Variants in PWWP2B observed in about 807,000 individuals in gnomAD.
PWWP2B encodes PWWP domain containing 2B.
A neutral mutation model predicts 15.5 loss-of-function variants in PWWP2B; 9 were observed. That is an observed-to-expected ratio of 0.58 (90% confidence interval 0.35 to 1.02). The LOEUF (loss-of-function observed/expected upper bound fraction) is 1.02, where lower values mean the gene tolerates loss of function less well. Ranked by LOEUF, PWWP2B falls within the 50% of genes least tolerant of loss-of-function variation. PWWP2B has a pLI of 0.02. For synonymous variants in PWWP2B, 474 were observed against 403.6 expected (o/e 1.17, Z -2.09); for missense variants, 864 against 865.3 (o/e 1.00, Z 0.02).
chr10:132,407,974 C>T (rs1455363890), intron 2 of PWWP2B, among the ~76,000 whole-genome samples: 1 of 152,240 alleles, frequency 6.6e-6, no homozygotes, highest in Non-Finnish European at 1.5e-5. Flanking sequence ...AGGCCTGAGG[C>T]CTTGGCTGGC....
intron 2 of PWWP2B, among the ~76,000 whole-genome samples, chr10:132,415,210 TCTCA>T (rs1564878454): frequency 6.6e-6 from 1 of 150,784 alleles, no homozygotes; most frequent in South Asian, 2.1e-4. Flanking sequence ...CCACATCCAC[TCTCA>T]CACACACACC....
intron 2 of PWWP2B, among the ~76,000 whole-genome samples, chr10:132,412,909 G>A (rs747995732): frequency 7.2e-5 from 11 of 152,268 alleles, no homozygotes; most frequent in Non-Finnish European, 1.5e-4. Flanking sequence ...ATCCACACAA[G>A]TGCTATTCTT....
rs541725469 is a variant in PWWP2B at position 132,415,224 on chromosome 10, C to A, written c.*17-1837C>A. Among the ~76,000 whole-genome samples, 133 of 150,802 alleles carry A rather than the reference C, an allele frequency of 8.8e-4. 1 individual carries two copies. In the South Asian group the frequency reaches 0.014, roughly 16 times the overall value. On this transcript the variant is annotated intron_variant, in intron 2 of 2. Transcript: ENST00000305233. ...TCCACATCCACTCTCACACACACAC[C>A]CACTCACACTCACACACATCCACTC...
At chr10:132,412,064 A>C (rs1037791509) in intron 2 of PWWP2B, among the ~76,000 whole-genome samples, 5 of 152,214 alleles carry the variant, frequency 3.3e-5, no homozygotes, top group Non-Finnish European at 7.3e-5. Flanking sequence ...GCAGCCGGGC[A>C]GCCGGTCCTT....
At position 132,406,072 on chromosome 10, in the gene PWWP2B, A is replaced by T. The variant is rs2069695136; in HGVS notation, c.1572A>T (p.Arg524=). The change falls in exon 2 of 3, where the codon CGA becomes CGT. Residue 524 remains arginine, a synonymous_variant. Transcript: ENST00000305233. ...AGGAGGACGGAGAGCCGTCTTGGCG[A>T]GAAGCGAAGGTCTCGTGGTTTGGTT... ...GQKEDGEPSW[R]EAKVSWFGSP... The T allele has an allele frequency of 3.7e-6, 6 of 1,613,640 alleles. No homozygotes were observed. In the East Asian group the frequency reaches 1.3e-4, roughly 36 times the overall value.
intron 2 of PWWP2B, among the ~76,000 whole-genome samples, chr10:132,406,599 G>A (rs1288444300): frequency 2.6e-5 from 4 of 152,256 alleles, no homozygotes; most frequent in South Asian, 2.1e-4. Flanking sequence ...GCTCTCAGTC[G>A]TTGTTTGGAG....
In PWWP2B at chr10:132,417,053, C is replaced by T. The variant is rs1201135858; in HGVS notation, c.*17-8C>T. On this transcript the variant is annotated splice_polypyrimidine_tract_variant and splice_region_variant and intron_variant, in intron 2 of 2. Coordinates refer to ENST00000305233, the MANE Select transcript of PWWP2B (RefSeq NM_138499.4). ...TTAAATCTCTGCCCCTTTTTGCTTT[C>T]CCCCAAGGTCACCGACGATGAGGGC... 5 of 1,613,172 alleles carry T rather than the reference C, an allele frequency of 3.1e-6. No individual in the cohort carries two copies. In the South Asian group the frequency reaches 4.4e-5, roughly 14 times the overall value.
chr10:132,403,220 A>G (rs947851480), intron 1 of PWWP2B, among the ~76,000 whole-genome samples: 7 of 150,828 alleles, frequency 4.6e-5, no homozygotes, highest in Non-Finnish European at 1.0e-4. Context: ...CACCCACCAC[A>G]GAGCAGAACC....
intron 2 of PWWP2B, among the ~76,000 whole-genome samples, chr10:132,409,628 A>ACCAC (rs57349418): frequency 0.016 from 2,286 of 143,508 alleles, 43 homozygotes; most frequent in African/African-American, 0.056. Flanking sequence ...TCTCTCCCTC[A>ACCAC]CCACCCACCC....
chr10:132,409,402 A>C (rs2069747411), intron 2 of PWWP2B, among the ~76,000 whole-genome samples: 2 of 152,182 alleles, frequency 1.3e-5, no homozygotes, highest in South Asian at 4.1e-4. Context: ...GGCACCGGAC[A>C]TGCAGGGTCA....
intron 1 of PWWP2B, 91 bp downstream of exon 1, chr10:132,397,442 G>T: frequency 9.0e-7 from 1 of 1,113,508 alleles, no homozygotes; most frequent in Non-Finnish European, 1.1e-6. Context: ...CTCCGGGTTG[G>T]GGGTGGCGTG....
chr10:132,416,646 C>T (rs983238480), intron 2 of PWWP2B, among the ~76,000 whole-genome samples: 1 of 152,050 alleles, frequency 6.6e-6, no homozygotes, highest in Non-Finnish European at 1.5e-5. Flanking sequence ...GGGCTCCTCC[C>T]CAGGCTCGGG....
Position 132,404,874 on chromosome 10 carries a change from C to A in PWWP2B, c.374C>A (p.Pro125His). 6.3e-7 allele frequency: 1 copy of A among 1,593,416 alleles called. No homozygotes were observed. The highest frequency in any genetic ancestry group is 1.7e-5 in the Admixed American group (1 of 59,772). Reference protein sequence around the residue: ...PPYPPYFEGAPFPHPLWLRDT... With the variant: ...PPYPPYFEGAHFPHPLWLRDT... Reference sequence around the variant, plus strand: ...TACCCTCCCTACTTCGAAGGCGCCCCCTTCCCTCACCCGCTGTGGCTCCGG... The same window carrying A: ...TACCCTCCCTACTTCGAAGGCGCCCACTTCCCTCACCCGCTGTGGCTCCGG... The change falls in exon 2 of 3, where the codon CCC (proline) becomes CAC (histidine). Residue 125 changes from proline to histidine, a missense_variant. Pro to His is a moderately conservative substitution (Grantham distance 77). Transcript: ENST00000305233.
Position 132,404,803 on chromosome 10 carries a change from A to G in PWWP2B, c.303A>G (p.Pro101=), listed in dbSNP as rs745734929. 1.8e-5 allele frequency: 14 copies of G among 759,852 alleles called. No individual in the cohort carries two copies. Among genetic ancestry groups the G allele is most frequent in the Non-Finnish European group, 2.6e-5 (14 of 540,508 alleles). 47.1% of individuals were successfully genotyped at this position (759,852 alleles called of 1,614,324 possible). ...VQPPETTRPE[P]PPPLVPPLPA... ...CCCCCGAGACCACCCGCCCCGAGCCACCCCCGCCCCTCGTGCCGCCGCTGC... is the reference window on the plus strand; with the variant it reads ...CCCCCGAGACCACCCGCCCCGAGCCGCCCCCGCCCCTCGTGCCGCCGCTGC... Residue 101 remains proline (P), a synonymous_variant, in exon 2 of 3, where the codon CCA becomes CCG. Coordinates refer to ENST00000305233, the MANE Select transcript of PWWP2B (RefSeq NM_138499.4).
At chr10:132,403,274 T>C (rs2069636343) in intron 1 of PWWP2B, among the ~76,000 whole-genome samples, 1 of 151,404 alleles carries the variant, frequency 6.6e-6, no homozygotes, top group Non-Finnish European at 1.5e-5. Context: ...AGGCCACTGC[T>C]GTGCCCTCCC....
At chr10:132,410,693 C>T (rs945990719) in intron 2 of PWWP2B, among the ~76,000 whole-genome samples, 5 of 152,162 alleles carry the variant, frequency 3.3e-5, no homozygotes, top group Admixed American at 1.3e-4. Context: ...CTGTGAGGGC[C>T]GACGGGGCAC....
chr10:132,408,815 C>T (rs1775541596), intron 2 of PWWP2B, among the ~76,000 whole-genome samples: 1 of 152,250 alleles, frequency 6.6e-6, no homozygotes, highest in Non-Finnish European at 1.5e-5. Flanking sequence ...GGCTGGAGGC[C>T]CTGCTCAGGG....
At chr10:132,416,591 C>T (rs2069859171) in intron 2 of PWWP2B, among the ~76,000 whole-genome samples, 1 of 152,156 alleles carries the variant, frequency 6.6e-6, no homozygotes, top group South Asian at 2.1e-4. Flanking sequence ...CCTTCCCACC[C>T]TGGGATCCCC....
intron 2 of PWWP2B, among the ~76,000 whole-genome samples, chr10:132,412,067 C>T (rs535027144): frequency 1.1e-4 from 17 of 152,352 alleles, no homozygotes; most frequent in Admixed American, 9.1e-4. Flanking sequence ...GCCGGGCAGC[C>T]GGTCCTTGCC....
Sources: allele counts gnomAD v4.1 joint callset (sites outside exome capture counted in the v4.1 genomes callset), GRCh38; gene constraint gnomAD v4.1.1; transcripts MANE v1.5; gene names NCBI Gene and HGNC (gene_info 2026-07-23, HGNC 2026-07-21).